KPNA6: variants seen among roughly 807,000 people sequenced by gnomAD.
The protein encoded by KPNA6 is karyopherin subunit alpha 6.
Under a neutral mutation model 72.0 loss-of-function variants are expected in KPNA6, and 9 were observed. That is an observed-to-expected ratio of 0.13 (90% CI 0.08 to 0.22). KPNA6 has a LOEUF of 0.22. Ranked by LOEUF, KPNA6 falls within the 10% of genes least tolerant of loss-of-function variation. The pLI, the probability that KPNA6 is intolerant of heterozygous loss-of-function variation, is 1.00. For missense variants in KPNA6, 374 were observed against 655.7 expected (o/e 0.57, Z 4.69); for synonymous variants, 219 against 242.1 (o/e 0.90, Z 0.89).
intron 1 of KPNA6, among the ~76,000 whole-genome samples, chr1:32,139,443 A>G (rs1303366350): frequency 6.6e-6 from 1 of 152,196 alleles, no homozygotes; most frequent in Non-Finnish European, 1.5e-5. Context: ...TTCTTGGCCA[A>G]CAATTACTAT....
In KPNA6 at chr1:32,154,637, G is replaced by A. The variant is rs779936663; in HGVS notation, c.54G>A (p.Lys18=). The A allele has an allele frequency of 2.0e-5, 32 of 1,613,822 alleles. No homozygotes were observed. In the South Asian group the frequency reaches 3.5e-4, roughly 18 times the overall value. ...ACAATTATCGAATGAAGAGCTATAA[G>A]AACAATGCTCTAAACCCTGAAGAAA... ...GKDNYRMKSY[K]NNALNPEEMR... is the part of the protein sequence containing the mutation. Residue 18 remains lysine (K), a synonymous_variant, in exon 2 of 14, where the codon AAG becomes AAA. Coordinates refer to ENST00000373625, the MANE Select transcript of KPNA6 (RefSeq NM_012316.5).
chr1:32,143,467 C>G (rs1641875237), intron 1 of KPNA6, among the ~76,000 whole-genome samples: 1 of 151,464 alleles, frequency 6.6e-6, no homozygotes, highest in African/African-American at 2.4e-5. Context: ...TGCCTGTAAT[C>G]CCCACTACTT....
In KPNA6 at chr1:32,119,015, TA is replaced by T. The variant is rs60128297; in HGVS notation, c.4+10882del. 7.3e-3 allele frequency among the ~76,000 whole-genome samples: 536 copies of T among 73,434 alleles called. 14 individuals are homozygous for T. Among genetic ancestry groups the T allele is most frequent in the Non-Finnish European group, 8.9e-3 (373 of 41,738 alleles). 48.2% of individuals were successfully genotyped at this position (73,434 alleles called of 152,430 possible). A position where few individuals can be genotyped will look rare whatever the true frequency, so the allele number is the denominator to read the frequency against. ...GTGTATACATATATATATATATATA[TA>T]TATATATATATATATATTTTTTTTT... On this transcript the variant is annotated intron_variant, in intron 1 of 13. Coordinates refer to ENST00000373625, the MANE Select transcript of KPNA6 (RefSeq NM_012316.5).
At chr1:32,134,870 G>C (rs1168609045) in intron 1 of KPNA6, among the ~76,000 whole-genome samples, 1 of 151,284 alleles carries the variant, frequency 6.6e-6, no homozygotes. Flanking sequence ...AGAGTAATAG[G>C]GTTTCTTTTT....
At position 32,108,073 on chromosome 1, in the gene KPNA6, C is replaced by G. The variant is rs1407820392; in HGVS notation, c.-58C>G. The stretch of plus-strand genomic sequence containing the variant: ...GATCCGCCATATTGTCTACTGAAAG[C>G]TGCCGCTGAAGCTGCCGCCGTTGCC... On this transcript the variant is annotated 5_prime_UTR_variant, in exon 1 of 14. Transcript: ENST00000373625. 1.9e-6 allele frequency: 3 copies of G among 1,613,326 alleles called. No individual in the cohort carries two copies. The highest frequency in any genetic ancestry group is 2.5e-6 in the Non-Finnish European group (3 of 1,179,574).
Position 32,161,948 on chromosome 1 carries a change from C to T in KPNA6, c.649C>T (p.Leu217Phe). 6.2e-7 allele frequency: 1 copy of T among 1,613,460 alleles called. No individual in the cohort carries two copies. Among genetic ancestry groups the T allele is most frequent in the Non-Finnish European group, 8.5e-7 (1 of 1,179,492 alleles). The change falls in exon 8 of 14, where the codon CTC becomes TTC. Residue 217 changes from leucine (L) to phenylalanine (F), a missense_variant and splice_region_variant. Leu to Phe is a conservative substitution (Grantham distance 22). Coordinates refer to ENST00000373625, the MANE Select transcript of KPNA6 (RefSeq NM_012316.5). ...ATCTGGCTTTGCTGTTTCCTTCAGACTCCTTACCAAGTCCACACGACTGAC... is the reference window on the plus strand; with the variant it reads ...ATCTGGCTTTGCTGTTTCCTTCAGATTCCTTACCAAGTCCACACGACTGAC... ...NCSILNPLLT[L>F]LTKSTRLTMT...
chr1:32,128,420 TATATATAC>T lies in KPNA6; in HGVS notation c.4+20288_4+20295del, dbSNP rs1345152487. On this transcript the variant is annotated intron_variant, in intron 1 of 13. Coordinates refer to ENST00000373625, the MANE Select transcript of KPNA6 (RefSeq NM_012316.5). Reference sequence around the variant, plus strand: ...ATATATATATATATATATATATATATATATATACACACACACACACATATATATATACA... The same window carrying T: ...ATATATATATATATATATATATATATACACACACACACATATATATATACA... Among the ~76,000 whole-genome samples, 86 of 120,690 alleles carry T rather than the reference TATATATAC, an allele frequency of 7.1e-4. 1 individual carries two copies. The highest frequency in any genetic ancestry group is 3.0e-3 in the African/African-American group (85 of 28,124). 79.2% of individuals were successfully genotyped at this position (120,690 alleles called of 152,430 possible). A position where few individuals can be genotyped will look rare whatever the true frequency, so the allele number is the denominator to read the frequency against.
chr1:32,138,137 A>C (rs1166250680), intron 1 of KPNA6, among the ~76,000 whole-genome samples: 7 of 151,522 alleles, frequency 4.6e-5, no homozygotes, highest in African/African-American at 9.7e-5. Flanking sequence ...CTCTGTCCAA[A>C]AAAAAAAAAA....
At position 32,167,252 on chromosome 1, in the gene KPNA6, G is replaced by T; in HGVS notation, c.1200G>T (p.Trp400Cys). ...AEFRTRKEAA[W>C]AITNATSGGT... is the part of the protein sequence containing the mutation. The stretch of plus-strand genomic sequence containing the variant: ...TTCGTACAAGGAAAGAGGCAGCCTG[G>T]GCCATCACCAATGCCACATCAGGAG... Residue 400 changes from tryptophan to cysteine, a missense_variant, in exon 12 of 14, where the codon TGG becomes TGT. Physicochemically the swap from Trp to Cys is radical, Grantham distance 215 (BLOSUM62 -2). Coordinates refer to ENST00000373625, the MANE Select transcript of KPNA6 (RefSeq NM_012316.5). 1 of 1,613,986 alleles carries T rather than the reference G, an allele frequency of 6.2e-7. No homozygotes were observed.
At chr1:32,153,395 G>A (rs1196248406) in intron 1 of KPNA6, among the ~76,000 whole-genome samples, 2 of 151,560 alleles carry the variant, frequency 1.3e-5, no homozygotes, top group Non-Finnish European at 2.9e-5. Context: ...GTGAAACCCC[G>A]TCTCTACTAA....
chr1:32,118,150 C>T (rs1457184942), intron 1 of KPNA6, among the ~76,000 whole-genome samples: 1 of 152,002 alleles, frequency 6.6e-6, no homozygotes, highest in Non-Finnish European at 1.5e-5. Flanking sequence ...TCTCGAACTC[C>T]CAACCTCAGG....
chr1:32,120,494 C>T (rs1004874253), intron 1 of KPNA6, among the ~76,000 whole-genome samples: 3 of 150,818 alleles, frequency 2.0e-5, no homozygotes, highest in Non-Finnish European at 4.4e-5. Flanking sequence ...GCCATCTGCC[C>T]GCCTCAGCCT....
chr1:32,118,911 A>G (rs1557456792), intron 1 of KPNA6, among the ~76,000 whole-genome samples: 1 of 150,028 alleles, frequency 6.7e-6, no homozygotes, highest in East Asian at 1.9e-4. Context: ...TCAATAAGTG[A>G]TAATTAATAG....
At chr1:32,120,871 CTTTTTTTTTTT>C (rs767698422) in intron 1 of KPNA6, among the ~76,000 whole-genome samples, 14 of 120,594 alleles carry the variant, frequency 1.2e-4, no homozygotes, top group Admixed American at 7.6e-4. Flanking sequence ...GGAGTTCCTT[CTTTTTTTTTTT>C]TTTTTTGACA....
intron 10 of KPNA6, among the ~76,000 whole-genome samples, chr1:32,164,725 C>A (rs1642301477): frequency 7.3e-6 from 1 of 137,462 alleles, no homozygotes; most frequent in African/African-American, 2.7e-5. Context: ...CTATTCAAGT[C>A]TTTTGCTCAT....
intron 1 of KPNA6, among the ~76,000 whole-genome samples, chr1:32,128,440 C>CACAT (rs1553127148): frequency 8.1e-5 from 10 of 122,896 alleles, no homozygotes; most frequent in South Asian, 5.1e-4. Context: ...CACACACACA[C>CACAT]ATATATATAT....
At chr1:32,166,523 G>T (rs1284558642) in intron 11 of KPNA6, among the ~76,000 whole-genome samples, 1 of 151,710 alleles carries the variant, frequency 6.6e-6, no homozygotes, top group Non-Finnish European at 1.5e-5. Flanking sequence ...TATTCGGGAG[G>T]CTGAGGCAGG....
chr1:32,125,222 A>G (rs1329954244), intron 1 of KPNA6, among the ~76,000 whole-genome samples: 6 of 152,268 alleles, frequency 3.9e-5, no homozygotes, highest in Admixed American at 1.3e-4. Context: ...CTATCAAATT[A>G]CAATCCAGTT....
intron 1 of KPNA6, among the ~76,000 whole-genome samples, chr1:32,131,867 G>C (rs893604634): frequency 6.6e-6 from 1 of 151,584 alleles, no homozygotes; most frequent in Admixed American, 6.6e-5. Flanking sequence ...ATCCAGCCTG[G>C]TCTCCTGTGT....
Sources: gnomAD v4.1 joint callset for allele counts (sites outside exome capture counted in the v4.1 genomes callset) on GRCh38, gnomAD v4.1.1 for gene constraint, MANE v1.5 for transcripts, NCBI Gene and HGNC (gene_info 2026-07-23, HGNC 2026-07-21) for gene names.